The following RBFOX1 variants were observed in gnomAD, a reference collection of about 807,000 sequenced individuals.
RBFOX1 encodes RNA binding protein fox-1 homolog 1.
Under a neutral mutation model 57.7 loss-of-function variants are expected in RBFOX1, and 8 were observed. The observed-to-expected ratio is 0.14, with a 90% CI of 0.08 to 0.25. The LOEUF is 0.25. RBFOX1 is among the 10% of genes least tolerant of loss of function. The probability of loss-of-function intolerance (pLI) is 1.00; values close to 1 mark genes in which losing one functional copy is unlikely to be tolerated. For synonymous variants in RBFOX1, 326 were observed against 222.4 expected, an observed-to-expected ratio of 1.47 and a Z score of -4.15; for missense variants, 611 against 548.5, an observed-to-expected ratio of 1.11 and a Z score of -1.14.
intron 4 of RBFOX1, among the ~76,000 whole-genome samples, chr16:7,360,818 A>G (rs2097306390): frequency 6.6e-6 from 1 of 152,186 alleles, no homozygotes; most frequent in African/African-American, 2.4e-5. Flanking sequence ...GCCATTAATT[A>G]GGCTTGTACA....
At chr16:6,075,520 C>G (rs907122939) in intron 1 of RBFOX1, among the ~76,000 whole-genome samples, 14 of 152,184 alleles carry the variant, frequency 9.2e-5, no homozygotes, top group African/African-American at 3.4e-4. Context: ...TAATAGAACA[C>G]AATCTGTTGT....
chr16:6,898,898 C>T (rs986458974), intron 3 of RBFOX1, among the ~76,000 whole-genome samples: 3 of 102,774 alleles, frequency 2.9e-5, no homozygotes, highest in Admixed American at 9.0e-5. Flanking sequence ...GTGTGTGCAT[C>T]TCGTATGTGT....
At chr16:6,909,651 C>G (rs2071042551) in intron 3 of RBFOX1, among the ~76,000 whole-genome samples, 1 of 152,212 alleles carries the variant, frequency 6.6e-6, no homozygotes. Flanking sequence ...AAGAAATTAT[C>G]AAGTGAGGAT....
At chr16:6,637,626 G>A (rs1353166737) in intron 2 of RBFOX1, among the ~76,000 whole-genome samples, 3 of 147,906 alleles carry the variant, frequency 2.0e-5, no homozygotes, top group Non-Finnish European at 3.0e-5. Context: ...ACTTGAAAAG[G>A]TTGAAACTCT....
At chr16:6,261,510 C>G (rs1159060913) in intron 1 of RBFOX1, among the ~76,000 whole-genome samples, 4 of 152,182 alleles carry the variant, frequency 2.6e-5, no homozygotes, top group South Asian at 2.1e-4. Flanking sequence ...AGCAGACAAA[C>G]AGAAACAGGC....
chr16:6,847,747 T>C (rs531093081), intron 3 of RBFOX1, among the ~76,000 whole-genome samples: 1 of 152,254 alleles, frequency 6.6e-6, no homozygotes, highest in South Asian at 2.1e-4. Flanking sequence ...CACATTTTTA[T>C]TCTGTTTTAA....
At chr16:6,126,605 C>G (rs1452033226) in intron 1 of RBFOX1, among the ~76,000 whole-genome samples, 1 of 152,108 alleles carries the variant, frequency 6.6e-6, no homozygotes, top group Non-Finnish European at 1.5e-5. Context: ...TATGTGCATG[C>G]TACCAGGTCA....
chr16:7,704,494 T>A (rs994523381), intron 14 of RBFOX1, among the ~76,000 whole-genome samples: 1 of 152,160 alleles, frequency 6.6e-6, no homozygotes, highest in East Asian at 1.9e-4. Context: ...CGTATCTGAA[T>A]GGGATCATAA....
chr16:6,690,279 G>T (rs9934234), intron 3 of RBFOX1, among the ~76,000 whole-genome samples: 2 of 151,964 alleles, frequency 1.3e-5, no homozygotes, highest in African/African-American at 4.8e-5. Flanking sequence ...CTAGGATGTG[G>T]AGAAACAATG....
chr16:7,607,849 C>A (rs2056648194), intron 10 of RBFOX1, among the ~76,000 whole-genome samples: 1 of 152,146 alleles, frequency 6.6e-6, no homozygotes, highest in African/African-American at 2.4e-5. Context: ...AATCAAATTC[C>A]CTTAGCAATT....
intron 3 of RBFOX1, among the ~76,000 whole-genome samples, chr16:5,757,187 A>G (rs999072640): frequency 6.6e-6 from 1 of 151,036 alleles, no homozygotes; most frequent in African/African-American, 2.4e-5. Flanking sequence ...GAGAAAGAGC[A>G]TGAAGAGCGT....
chr16:7,015,599 A>C (rs137979808), intron 3 of RBFOX1, among the ~76,000 whole-genome samples: 91 of 152,300 alleles, frequency 6.0e-4, no homozygotes, highest in Non-Finnish European at 1.2e-3. Flanking sequence ...GGCTTATTTA[A>C]GAGCCTATTA....
chr16:6,076,455 T>C (rs139062053), intron 1 of RBFOX1, among the ~76,000 whole-genome samples: 365 of 152,248 alleles, frequency 2.4e-3, no homozygotes, highest in African/African-American at 8.5e-3. Context: ...CCTGAGCTTT[T>C]GCATCAGCCT....
At chr16:7,207,216 T>C (rs2090171509) in intron 4 of RBFOX1, among the ~76,000 whole-genome samples, 1 of 152,232 alleles carries the variant, frequency 6.6e-6, no homozygotes, top group Admixed American at 6.5e-5. Flanking sequence ...AGCTGCTCAT[T>C]TTTATGTATA....
chr16:6,632,742 G>A (rs1602093133), intron 2 of RBFOX1, among the ~76,000 whole-genome samples: 1 of 152,176 alleles, frequency 6.6e-6, no homozygotes, highest in African/African-American at 2.4e-5. Context: ...TAAAGCTTAA[G>A]CAGCCGCAAG....
intron 4 of RBFOX1, among the ~76,000 whole-genome samples, chr16:5,913,205 G>C (rs1353380359): frequency 6.6e-6 from 1 of 152,198 alleles, no homozygotes; most frequent in Non-Finnish European, 1.5e-5. Flanking sequence ...ACACACGGGT[G>C]CATGACACCA....
intron 4 of RBFOX1, among the ~76,000 whole-genome samples, chr16:7,499,751 T>G (rs77527834): frequency 6.6e-6 from 1 of 152,162 alleles, no homozygotes; most frequent in Admixed American, 6.5e-5. Context: ...GGTGGTGTTT[T>G]GAATTAGAAA....
intron 2 of RBFOX1, among the ~76,000 whole-genome samples, chr16:6,583,030 G>C (rs80088594): frequency 6.7e-6 from 1 of 149,576 alleles, no homozygotes; most frequent in Non-Finnish European, 1.5e-5. Flanking sequence ...CTTGCTCGAT[G>C]TCTCTCTCTC....
intron 4 of RBFOX1, among the ~76,000 whole-genome samples, chr16:7,271,838 A>T (rs556911391): frequency 6.6e-6 from 1 of 152,002 alleles, no homozygotes; most frequent in Admixed American, 6.6e-5. Context: ...AAAAAATCTC[A>T]AAGCTATGGC....
Sources: allele counts gnomAD v4.1 joint callset (sites outside exome capture counted in the v4.1 genomes callset), GRCh38; gene constraint gnomAD v4.1.1; transcripts MANE v1.5; gene names NCBI Gene and HGNC (gene_info 2026-07-23, HGNC 2026-07-21).